The following SCG3 variants were observed in gnomAD, a reference collection of about 807,000 sequenced individuals.
SCG3 encodes secretogranin III.
In SCG3, 38 loss-of-function variants were observed where a neutral mutation model predicts 56.2. That is an observed-to-expected ratio of 0.68 (90% CI 0.52 to 0.89). The LOEUF is 0.89. Among genes scored for constraint, SCG3 ranks in the 40% least tolerant of loss-of-function variants. The pLI, the probability that SCG3 is intolerant of heterozygous loss-of-function variation, is 0.00. For missense variants in SCG3, 524 were observed against 540.7 expected, an observed-to-expected ratio of 0.97 and a Z score of 0.31; for synonymous variants, 176 against 184.2, an observed-to-expected ratio of 0.96 and a Z score of 0.36.
intron 10 of SCG3, among the ~76,000 whole-genome samples, chr15:51,705,100 A>G (rs1287235251): frequency 2.6e-5 from 4 of 152,090 alleles, no homozygotes; most frequent in Non-Finnish European, 5.9e-5. Context: ...ACAGAGAACC[A>G]CGAATTGGGC....
chr15:51,683,299 G>A lies in SCG3; in HGVS notation c.262G>A (p.Glu88Lys). ...GGCAATAACAGAAAAGGAAAAAATT[G>A]AGAAAGAAAGACAATCTATAAGAAG... ...LKAITEKEKI[E>K]KERQSIRSSP... Residue 88 changes from glutamate to lysine, a missense_variant, in exon 4 of 12, where the codon GAG becomes AAG. Transcript: ENST00000220478. 6.2e-7 allele frequency: 1 copy of A among 1,613,650 alleles called. No homozygotes were observed. The highest frequency in any genetic ancestry group is 8.5e-7 in the Non-Finnish European group (1 of 1,179,686).
At chr15:51,696,743 C>T (rs545714327) in intron 8 of SCG3, among the ~76,000 whole-genome samples, 17 of 152,068 alleles carry the variant, frequency 1.1e-4, no homozygotes, top group Non-Finnish European at 2.1e-4. Context: ...AGGTGCCACA[C>T]GCTTTTAAAC....
At chr15:51,691,959 C>A (rs909236806) in intron 6 of SCG3, among the ~76,000 whole-genome samples, 200 bp from the exon 7 acceptor site, 1 of 148,726 alleles carries the variant, frequency 6.7e-6, no homozygotes, top group African/African-American at 2.6e-5. Context: ...TGAGGTAGAG[C>A]ACCTTTCCCT....
intron 10 of SCG3, among the ~76,000 whole-genome samples, chr15:51,702,268 A>AT (rs1018038899): frequency 2.0e-5 from 3 of 151,912 alleles, no homozygotes; most frequent in Non-Finnish European, 4.4e-5. Flanking sequence ...ATTTTATTTT[A>AT]TTTTTTGCAG....
At chr15:51,682,082 C>A (rs370730192) in intron 1 of SCG3, among the ~76,000 whole-genome samples, 6 of 151,970 alleles carry the variant, frequency 3.9e-5, no homozygotes, top group Admixed American at 1.3e-4. Flanking sequence ...GGGAAGGGAA[C>A]CTTTTTCACC....
intron 10 of SCG3, among the ~76,000 whole-genome samples, chr15:51,712,166 G>A (rs1225155518): frequency 6.6e-6 from 1 of 152,184 alleles, no homozygotes; most frequent in Non-Finnish European, 1.5e-5. Context: ...ATGAGACAAT[G>A]CATTTTGGAG....
rs1278067350 is a variant in SCG3 at position 51,689,325 on chromosome 15, C to T, written c.647C>T (p.Thr216Ile). The change falls in exon 6 of 12, where the codon ACA (threonine) becomes ATA (isoleucine). Residue 216 changes from threonine to isoleucine, a missense_variant. Thr to Ile is a moderately conservative substitution (Grantham distance 89). Coordinates refer to ENST00000220478, the MANE Select transcript of SCG3 (RefSeq NM_013243.4). ...NNYEEDPNKP[T>I]SWTENQAGKI... The stretch of plus-strand genomic sequence containing the variant: ...TATGAGGAGGATCCCAATAAGCCCA[C>T]AAGCTGGACTGAGAATCAGGCTGGA... 1 of 1,613,868 alleles carries T rather than the reference C, an allele frequency of 6.2e-7. No homozygotes were observed. The highest frequency in any genetic ancestry group is 1.7e-5 in the Admixed American group (1 of 59,948).
intron 11 of SCG3, among the ~76,000 whole-genome samples, chr15:51,716,090 C>A (rs2055453732): frequency 6.6e-6 from 1 of 152,216 alleles, no homozygotes; most frequent in African/African-American, 2.4e-5. Context: ...ATCTCGTGAC[C>A]TCCTGATCCG....
intron 10 of SCG3, among the ~76,000 whole-genome samples, chr15:51,704,276 T>TATATATATAA (rs2055359354): frequency 1.5e-5 from 2 of 133,156 alleles, no homozygotes; most frequent in South Asian, 4.7e-4. Context: ...TATATATATA[T>TATATATATAA]ATAAAATAGC....
At chr15:51,713,591 A>G (rs74951533) in intron 11 of SCG3, among the ~76,000 whole-genome samples, 178 bp downstream of exon 11, 1 of 152,184 alleles carries the variant, frequency 6.6e-6, no homozygotes, top group East Asian at 1.9e-4. Context: ...TTATTATTCA[A>G]ATTAGCCTTT....
chr15:51,694,359 G>C (rs563082722), intron 7 of SCG3, among the ~76,000 whole-genome samples: 4 of 152,174 alleles, frequency 2.6e-5, no homozygotes, highest in Non-Finnish European at 5.9e-5. Context: ...GCCAGTCTCA[G>C]GGATGATTTG....
At chr15:51,715,030 A>C (rs1239140134) in intron 11 of SCG3, 1 of 152,244 alleles carries the variant, frequency 6.6e-6, no homozygotes, top group Non-Finnish European at 1.5e-5. Flanking sequence ...GCCAAAATAC[A>C]TCCCAAAGCC....
chr15:51,688,290 G>A lies in SCG3; in HGVS notation c.428G>A (p.Gly143Glu), dbSNP rs148522098. ...CCAGATGGTCTTCATCAACTAGACG[G>A]GACTCCTTTAACCGCTGAAGACATT... ...DDPDGLHQLD[G>E]TPLTAEDIVH... The change falls in exon 5 of 12, where the codon GGG becomes GAG. Residue 143 changes from glycine (G) to glutamate (E), a missense_variant. Transcript: ENST00000220478. 423 of 1,613,670 alleles carry A rather than the reference G, an allele frequency of 2.6e-4. 1 individual carries two copies. The highest frequency in any genetic ancestry group is 3.4e-4 in the Non-Finnish European group (396 of 1,179,774).
rs67775073 is a variant in SCG3, at chr15:51,709,887, ATT to A, written c.1208-3425_1208-3424del. ...AGGTGCCCACCAACACGCCCGGCTA[ATT>A]TTTTTTTTTTTTTTTTTTTTGTATT... is the stretch of plus-strand genomic sequence containing the variant. On this transcript the variant is annotated intron_variant, in intron 10 of 11. Coordinates refer to ENST00000220478, the MANE Select transcript of SCG3 (RefSeq NM_013243.4). Among the ~76,000 whole-genome samples the A allele has an allele frequency of 2.9e-3, 246 of 84,816 alleles. 1 individual carries two copies. Among genetic ancestry groups the A allele is most frequent in the African/African-American group, 9.8e-3 (199 of 20,270 alleles). 55.6% of individuals were successfully genotyped at this position (84,816 alleles called of 152,430 possible).
At chr15:51,682,992 C>G in intron 2 of SCG3, 87 bp from the exon 3 acceptor site, 1 of 1,010,350 alleles carries the variant, frequency 9.9e-7, no homozygotes, top group Non-Finnish European at 1.5e-6. Context: ...AATTAAATCC[C>G]ATGGAGATTA....
rs1234240224 is a variant in SCG3 at position 51,683,409 on chromosome 15, G to A, written c.372G>A (p.Lys124=). The A allele has an allele frequency of 1.9e-6, 3 of 1,608,978 alleles. No homozygotes were observed. The highest frequency in any genetic ancestry group is 2.5e-6 in the Non-Finnish European group (3 of 1,178,534). The change falls in exon 4 of 12, where the codon AAG becomes AAA. Residue 124 remains lysine, a synonymous_variant. Coordinates refer to ENST00000220478, the MANE Select transcript of SCG3 (RefSeq NM_013243.4). The part of the protein sequence containing the change: ...RKLIDDYDST[K]SGLDHKFQDD... Reference sequence around the variant, plus strand: ...TGATCGATGATTATGACTCTACTAAGAGTGGATTGGATCATAAATTTCAAG... The same window carrying A: ...TGATCGATGATTATGACTCTACTAAAAGTGGATTGGATCATAAATTTCAAG...
chr15:51,699,251 A>AT (rs2055323946), intron 8 of SCG3, 68 bp from the exon 9 acceptor site: 2 of 1,137,140 alleles, frequency 1.8e-6, no homozygotes, highest in East Asian at 2.4e-5. Flanking sequence ...AGATTTAAAC[A>AT]TTTTTCGTAA....
intron 10 of SCG3, among the ~76,000 whole-genome samples, chr15:51,709,725 T>TATTTA: frequency 1.8e-5 from 1 of 57,008 alleles, no homozygotes; most frequent in Non-Finnish European, 3.4e-5. Context: ...TTTTTTTTTT[T>TATTTA]TTTTTTTTTT....
chr15:51,683,094 G>A lies in SCG3; in HGVS notation c.151G>A (p.Glu51Lys). 3 of 1,610,474 alleles carry A rather than the reference G, an allele frequency of 1.9e-6. No homozygotes were observed. The highest frequency in any genetic ancestry group is 2.2e-5 in the South Asian group (2 of 90,716). ...PLNEQIAEAE[E>K]DKIKKTYPPE... ...TGCTTCACAGATTGCTGAAGCAGAA[G>A]AAGACAAGATTAAAAAAACATATCC... Residue 51 changes from glutamate (E) to lysine (K), a missense_variant, in exon 3 of 12, where the codon GAA becomes AAA. Transcript: ENST00000220478.
Sources: gnomAD v4.1 joint callset for allele counts (sites outside exome capture counted in the v4.1 genomes callset) on GRCh38, gnomAD v4.1.1 for gene constraint, MANE v1.5 for transcripts, NCBI Gene and HGNC (gene_info 2026-07-23, HGNC 2026-07-21) for gene names.